The following PARM1 variants were observed in gnomAD, a reference collection of about 807,000 sequenced individuals.
PARM1 encodes prostate androgen-regulated mucin-like protein 1, also known as WSC4, cell wall integrity and stress response component 4 homolog.
PARM1 carries 14 observed loss-of-function variants against 24.6 expected under a neutral mutation model. The ratio of observed to expected loss-of-function variants is 0.57; its 90% CI spans 0.38 to 0.89. The LOEUF is 0.89. Among genes scored for constraint, PARM1 ranks in the 40% least tolerant of loss-of-function variants. The probability of loss-of-function intolerance (pLI) is 0.00; values close to 1 mark genes in which losing one functional copy is unlikely to be tolerated. For missense variants in PARM1, 362 were observed against 380.4 expected, an observed-to-expected ratio of 0.95 and a Z score of 0.40; for synonymous variants, 179 against 156.6, an observed-to-expected ratio of 1.14 and a Z score of -1.07.
chr4:75,010,632 A>G (rs1722854192), intron 1 of PARM1, among the ~76,000 whole-genome samples: 1 of 152,244 alleles, frequency 6.6e-6, no homozygotes, highest in Admixed American at 6.5e-5. Context: ...TGACACAATC[A>G]AAGTGATGAC....
At chr4:74,945,729 T>C (rs937885830) in intron 1 of PARM1, among the ~76,000 whole-genome samples, 1 of 152,216 alleles carries the variant, frequency 6.6e-6, no homozygotes, top group Non-Finnish European at 1.5e-5. Context: ...TAAGCTCTTC[T>C]AAAATGAAAG....
chr4:74,993,564 G>A lies in PARM1; in HGVS notation c.44-18861G>A, dbSNP rs570259509. On this transcript the variant is annotated intron_variant, in intron 1 of 3. Transcript: ENST00000307428. ...GTATAACTGATACATCAGGAGAAGT[G>A]AAATGAAAGTATATATGAGGATCAA... Among the ~76,000 whole-genome samples, 14 of 152,278 alleles carry A rather than the reference G, an allele frequency of 9.2e-5. No homozygotes were observed. The East Asian group carries it at 2.5e-3, about 27-fold the overall frequency.
chr4:75,020,020 A>G (rs1313328456), intron 2 of PARM1, among the ~76,000 whole-genome samples: 2 of 132,544 alleles, frequency 1.5e-5, no homozygotes, highest in African/African-American at 8.2e-5. Flanking sequence ...AAAAAAAAAA[A>G]AAAAAAAAAA....
chr4:75,037,183 C>T (rs909623977), intron 3 of PARM1, among the ~76,000 whole-genome samples: 6 of 152,208 alleles, frequency 3.9e-5, no homozygotes, highest in Admixed American at 3.9e-4. Flanking sequence ...ACTTACTCTT[C>T]TTTCTTCATC....
At chr4:74,997,545 A>C (rs1397335502) in intron 1 of PARM1, among the ~76,000 whole-genome samples, 1 of 152,154 alleles carries the variant, frequency 6.6e-6, no homozygotes, top group Admixed American at 6.5e-5. Flanking sequence ...TAGAACTTGG[A>C]TAAGGTGTAG....
intron 1 of PARM1, among the ~76,000 whole-genome samples, chr4:75,005,259 T>G (rs1482158236): frequency 6.6e-6 from 1 of 152,224 alleles, no homozygotes; most frequent in East Asian, 1.9e-4. Context: ...GGAAAGGGCT[T>G]GACTGCATTT....
chr4:74,968,957 GA>G (rs34035944), intron 1 of PARM1, among the ~76,000 whole-genome samples: 1 of 152,182 alleles, frequency 6.6e-6, no homozygotes, highest in Non-Finnish European at 1.5e-5. Flanking sequence ...GACAGGCTTT[GA>G]AAGTAGGCTA....
Position 75,046,225 on chromosome 4 carries a change from A to G in PARM1, c.911A>G (p.Asn304Ser). 2 of 1,610,616 alleles carry G rather than the reference A, an allele frequency of 1.2e-6. No individual in the cohort carries two copies. Among genetic ancestry groups the G allele is most frequent in the South Asian group, 1.1e-5 (1 of 90,994 alleles). Residue 304 changes from asparagine to serine, a missense_variant, in exon 4 of 4, where the codon AAC (asparagine) becomes AGC (serine). Asn to Ser is a conservative substitution (Grantham distance 46, BLOSUM62 1). Transcript: ENST00000307428. ...HDYGSWGNYNNPLYDDS is the reference protein window; with the variant it reads ...HDYGSWGNYNSPLYDDS ...TACGGGTCCTGGGGAAACTACAACA[A>G]CCCTCTGTACGATGACTCCTAACAA...
chr4:75,021,010 TG>T (rs1723080328), intron 2 of PARM1, among the ~76,000 whole-genome samples: 1 of 152,218 alleles, frequency 6.6e-6, no homozygotes. Context: ...TTGTCTTCAC[TG>T]CTTTTAAAGT....
At chr4:74,933,398 C>A (rs765701938) in intron 1 of PARM1, 28 bp downstream of exon 1, 2 of 1,608,804 alleles carry the variant, frequency 1.2e-6, no homozygotes, top group Middle Eastern at 1.7e-4. Context: ...CCCGGAAGGG[C>A]AGGTCGCGGG....
chr4:75,023,851 A>G (rs188769428), intron 2 of PARM1, among the ~76,000 whole-genome samples: 37 of 152,326 alleles, frequency 2.4e-4, no homozygotes, highest in Non-Finnish European at 2.5e-4. Flanking sequence ...GTTGAGACCT[A>G]GAAGTTGTAC....
At chr4:74,955,336 A>G (rs1220852259) in intron 1 of PARM1, among the ~76,000 whole-genome samples, 2 of 152,164 alleles carry the variant, frequency 1.3e-5, no homozygotes, top group African/African-American at 4.8e-5. Context: ...ATGAAATGAG[A>G]TGATCATTAG....
chr4:74,955,419 G>A (rs1457319421), intron 1 of PARM1, among the ~76,000 whole-genome samples: 1 of 152,148 alleles, frequency 6.6e-6, no homozygotes, highest in African/African-American at 2.4e-5. Flanking sequence ...AACCACAAAT[G>A]AGCATCAGGA....
chr4:74,980,302 A>G (rs916763784), intron 1 of PARM1, among the ~76,000 whole-genome samples: 1 of 152,132 alleles, frequency 6.6e-6, no homozygotes, highest in Non-Finnish European at 1.5e-5. Context: ...AAAAATCACA[A>G]GCATTCCTAT....
chr4:75,033,845 T>A (rs765589808), intron 2 of PARM1, 38 bp from the exon 3 acceptor site: 36 of 1,541,952 alleles, frequency 2.3e-5, no homozygotes, highest in Admixed American at 1.9e-4. Context: ...CCCCGTATCC[T>A]CATGTATCTT....
At chr4:74,990,149 C>A (rs17477577) in intron 1 of PARM1, among the ~76,000 whole-genome samples, 7,216 of 152,126 alleles carry the variant, frequency 0.047, 223 homozygotes, top group Non-Finnish European at 0.071. Context: ...TGAAAGGCAC[C>A]ATTAATGAAA....
intron 1 of PARM1, among the ~76,000 whole-genome samples, chr4:74,948,080 G>A (rs1353386410): frequency 2.6e-5 from 4 of 152,098 alleles, no homozygotes; most frequent in African/African-American, 9.7e-5. Context: ...TCCATTCTCT[G>A]CCAACCAAAA....
chr4:75,012,743 C>A lies in PARM1; in HGVS notation c.362C>A (p.Thr121Lys). 6.2e-7 allele frequency: 1 copy of A among 1,613,946 alleles called. No homozygotes were observed. Residue 121 changes from threonine to lysine, a missense_variant, in exon 2 of 4, where the codon ACG (threonine) becomes AAG (lysine). Transcript: ENST00000307428. The part of the protein sequence containing the change: ...STSGGVHLTT[T>K]LEEHSSGTPE... ...AGCGGTGGAGTCCACTTAACAACCA[C>A]GTTGGAGGAACACAGCTCGGGCACT...
intron 1 of PARM1, among the ~76,000 whole-genome samples, chr4:74,978,354 T>TA (rs541835645): frequency 1.2e-3 from 184 of 151,956 alleles, no homozygotes; most frequent in African/African-American, 4.1e-3. Flanking sequence ...CCAACAAAGA[T>TA]AAAAAAATAC....
Sources: gnomAD v4.1 joint callset for allele counts (sites outside exome capture counted in the v4.1 genomes callset) on GRCh38, gnomAD v4.1.1 for gene constraint, MANE v1.5 for transcripts, NCBI Gene and HGNC (gene_info 2026-07-23, HGNC 2026-07-21) for gene names.